The following CLIC5 variants were observed in gnomAD, a reference collection of about 807,000 sequenced individuals.
CLIC5 encodes chloride intracellular channel protein 5.
In CLIC5, 20 loss-of-function variants were observed where a neutral mutation model predicts 24.7. The observed-to-expected ratio is 0.81, with a 90% CI of 0.57 to 1.18. CLIC5 has a LOEUF of 1.18. Among genes scored for constraint, CLIC5 ranks in the 50% most tolerant of loss-of-function variants. The pLI is 0.00. For missense variants in CLIC5, 341 were observed against 326.1 expected (o/e 1.05, Z -0.35); for synonymous variants, 159 against 135.6 (o/e 1.17, Z -1.20).
intron 6 of CLIC5, among the ~76,000 whole-genome samples, chr6:45,885,310 C>T (rs1040228738): frequency 1.3e-5 from 2 of 152,094 alleles, no homozygotes; most frequent in Non-Finnish European, 2.9e-5. Flanking sequence ...AGGTTATCAC[C>T]GGAACCCAGC....
intron 1 of CLIC5, among the ~76,000 whole-genome samples, chr6:46,027,522 G>A (rs1393410520): frequency 2.0e-5 from 3 of 152,170 alleles, no homozygotes. Context: ...CATCGTTGGA[G>A]AAAATCTGCC....
chr6:45,916,772 A>G (rs931738186), intron 4 of CLIC5, among the ~76,000 whole-genome samples: 6 of 152,338 alleles, frequency 3.9e-5, no homozygotes, highest in African/African-American at 1.4e-4. Context: ...GTCTGGTGAC[A>G]GGAATCATTG....
chr6:45,989,208 C>T (rs568944541), intron 1 of CLIC5, among the ~76,000 whole-genome samples: 1 of 152,302 alleles, frequency 6.6e-6, no homozygotes, highest in South Asian at 2.1e-4. Context: ...CCCACCGATG[C>T]TTTCCAGGTG....
intron 1 of CLIC5, among the ~76,000 whole-genome samples, chr6:46,067,313 A>G (rs1762470114): frequency 6.6e-6 from 1 of 152,034 alleles, no homozygotes; most frequent in Admixed American, 6.6e-5. Flanking sequence ...TGCCCTTTAA[A>G]AAATGGGAGT....
chr6:46,076,733 A>G (rs897110292), intron 1 of CLIC5, among the ~76,000 whole-genome samples: 2 of 152,192 alleles, frequency 1.3e-5, no homozygotes, highest in African/African-American at 4.8e-5. Context: ...GAGCAGAAAT[A>G]AGAAATTAAT....
the CLIC5 span, chr6:46,122,837 T>C: frequency 6.6e-6 from 1 of 152,186 alleles, no homozygotes; most frequent in East Asian, 1.9e-4. Flanking sequence ...CTAGAAGAAA[T>C]GGATAAACTC....
chr6:45,893,206 G>A (rs139709812), intron 6 of CLIC5, among the ~76,000 whole-genome samples: 274 of 151,140 alleles, frequency 1.8e-3, no homozygotes, highest in African/African-American at 5.8e-3. Context: ...ATAAATTAAG[G>A]GCCAAATATT....
intron 5 of CLIC5, chr6:45,912,285 T>C: frequency 1.0e-6 from 1 of 1,001,770 alleles, no homozygotes; most frequent in Non-Finnish European, 1.2e-6. Context: ...GGCTGGCCTT[T>C]GTTCTTTCAT....
chr6:45,904,514 G>C (rs916711430), intron 5 of CLIC5, among the ~76,000 whole-genome samples: 1 of 151,058 alleles, frequency 6.6e-6, no homozygotes, highest in Admixed American at 6.6e-5. Context: ...TTTAAACAGG[G>C]CCCCCCTGTT....
chr6:46,088,156 T>A, the CLIC5 span, among the ~76,000 whole-genome samples: 3 of 134,972 alleles, frequency 2.2e-5, no homozygotes, highest in African/African-American at 8.6e-5. Context: ...TCTCTCGCTC[T>A]CTTTCTGTGT....
At position 46,030,567 on chromosome 6, in the gene CLIC5, T is replaced by TCAAAA. The variant is rs1424783999; in HGVS notation, c.540+49135_540+49136insTTTTG. Reference sequence around the variant, plus strand: ...TTTAGTGGCTCGGCATGGACTGCACTCCCCAGAATGATGTACTAGGTTGGG... The same window carrying TCAAAA: ...TTTAGTGGCTCGGCATGGACTGCACTCAAAACCCCAGAATGATGTACTAGGTTGGG... On this transcript the variant is annotated intron_variant, in intron 1 of 5. Coordinates refer to the CLIC5 transcript ENST00000185206. Among the ~76,000 whole-genome samples, 73 of 152,250 alleles carry TCAAAA rather than the reference T, an allele frequency of 4.8e-4. 2 individuals are homozygous for TCAAAA. The East Asian group carries it at 0.014, about 29-fold the overall frequency.
the CLIC5 span, among the ~76,000 whole-genome samples, chr6:46,111,074 A>G: frequency 6.6e-6 from 1 of 151,892 alleles, no homozygotes; most frequent in African/African-American, 2.4e-5. Context: ...ATTTCCTACA[A>G]TTTGGGCTGA....
intron 3 of CLIC5, 82 bp downstream of exon 3, chr6:45,949,174 T>A (rs1294535814): frequency 6.6e-7 from 1 of 1,505,556 alleles, no homozygotes; most frequent in African/African-American, 1.4e-5. Context: ...GAAATGCATC[T>A]GCCCGAAGTT....
Position 45,949,368 on chromosome 6 carries a change from G to A in CLIC5, c.187C>T (p.Leu63=). The A allele has an allele frequency of 6.2e-7, 1 of 1,613,496 alleles. No homozygotes were observed. The highest frequency in any genetic ancestry group is 8.5e-7 in the Non-Finnish European group (1 of 1,179,650). The change falls in exon 3 of 6, where the codon CTG becomes TTG. Residue 63 remains leucine (L), a synonymous_variant. Coordinates refer to ENST00000339561, the MANE Select transcript of CLIC5 (RefSeq NM_016929.5). ...TGCGTGCCGGGGGCTAGGTTGTGCA[G>A]GTCAGCTGGCTTTCTGTAGAGAGAG... ...TVDLKRKPAD[L]HNLAPGTHPP...
intron 6 of CLIC5, among the ~76,000 whole-genome samples, chr6:45,890,121 G>A (rs1272901163): frequency 2.0e-5 from 3 of 152,146 alleles, no homozygotes; most frequent in African/African-American, 7.2e-5. Flanking sequence ...GTTCCTTTGT[G>A]TATTTTGGAT....
intron 1 of CLIC5, among the ~76,000 whole-genome samples, chr6:46,065,768 T>C (rs896938353): frequency 1.3e-5 from 2 of 152,190 alleles, no homozygotes; most frequent in Non-Finnish European, 2.9e-5. Context: ...GGGAAGGGAC[T>C]CACAGCAAAG....
Position 45,902,830 on chromosome 6 carries a change from A to T in CLIC5, c.*258T>A, listed in dbSNP as rs1762544740. 3 of 499,306 alleles carry T rather than the reference A, an allele frequency of 6.0e-6. No homozygotes were observed. The highest frequency in any genetic ancestry group is 6.0e-5 in the African/African-American group (3 of 50,408). The allele number at this position is 499,306 out of a possible 1,614,324, so 30.9% of individuals were successfully genotyped here. On this transcript the variant is annotated 3_prime_UTR_variant, in exon 6 of 6. Coordinates refer to ENST00000339561, the MANE Select transcript of CLIC5 (RefSeq NM_016929.5). Reference sequence around the variant, plus strand: ...TCTCCAACACTGACTGACCCCAAACATGCTGAGCCCAGATCAGGCTGGCCG... The same window carrying T: ...TCTCCAACACTGACTGACCCCAAACTTGCTGAGCCCAGATCAGGCTGGCCG...
In CLIC5 at chr6:45,903,017, G is replaced by C; in HGVS notation, c.*71C>G. 6.5e-7 allele frequency: 1 copy of C among 1,539,348 alleles called. No homozygotes were observed. The highest frequency in any genetic ancestry group is 9.0e-7 in the Non-Finnish European group (1 of 1,116,918). Reference sequence around the variant, plus strand: ...CGCCTCAAGGCAGTGATACAGAGGAGTCTATGAAGCTGGAGTCTTAGGGGA... The same window carrying C: ...CGCCTCAAGGCAGTGATACAGAGGACTCTATGAAGCTGGAGTCTTAGGGGA... On this transcript the variant is annotated 3_prime_UTR_variant, in exon 6 of 6. Coordinates refer to ENST00000339561, the MANE Select transcript of CLIC5 (RefSeq NM_016929.5).
intron 1 of CLIC5, among the ~76,000 whole-genome samples, chr6:46,055,529 C>G (rs974411853): frequency 6.6e-6 from 1 of 152,218 alleles, no homozygotes; most frequent in Non-Finnish European, 1.5e-5. Flanking sequence ...TGAGCCACCG[C>G]GCCAGGCCAT....
Sources: allele counts gnomAD v4.1 joint callset (sites outside exome capture counted in the v4.1 genomes callset), GRCh38; gene constraint gnomAD v4.1.1; transcripts MANE v1.5; gene names NCBI Gene and HGNC (gene_info 2026-07-23, HGNC 2026-07-21).